Variants in ZFP37 observed in about 807,000 individuals in gnomAD.
The protein encoded by ZFP37 is zinc finger protein 37 homolog.
In ZFP37, 38 loss-of-function variants were observed where a neutral mutation model predicts 52.1. That is an observed-to-expected ratio of 0.73 (90% CI 0.56 to 0.96). ZFP37 has a LOEUF of 0.96. Among genes scored for constraint, ZFP37 ranks in the 40% least tolerant of loss-of-function variants. The pLI, the probability that ZFP37 is intolerant of heterozygous loss-of-function variation, is 0.00. For missense variants in ZFP37, 695 were observed against 741.4 expected (o/e 0.94, Z 0.73); for synonymous variants, 253 against 259.5 (o/e 0.98, Z 0.24).
Position 113,038,574 on chromosome 9 carries a change from G to A in ZFP37, c.*4151C>T, listed in dbSNP as rs1284899413. 6.7e-6 allele frequency: 1 copy of A among 148,300 alleles called. No homozygotes were observed. Among genetic ancestry groups the A allele is most frequent in the Admixed American group, 6.8e-5 (1 of 14,772 alleles). 9.2% of individuals were successfully genotyped at this position (148,300 alleles called of 1,614,324 possible). ...AAGGTGGGCAGATCACTTGAGCCCA[G>A]AAGTTTGAGACCAGCCTGAGTAACA... is the stretch of plus-strand genomic sequence containing the variant. On this transcript the variant is annotated 3_prime_UTR_variant, in exon 4 of 4. Coordinates refer to ENST00000374227, the MANE Select transcript of ZFP37 (RefSeq NM_003408.3).
intron 3 of ZFP37, among the ~76,000 whole-genome samples, chr9:113,044,723 T>G (rs1828921643): frequency 6.6e-6 from 1 of 152,144 alleles, no homozygotes; most frequent in Non-Finnish European, 1.5e-5. Flanking sequence ...CAAATCTGAC[T>G]CAAACCAAGA....
At chr9:113,045,633 T>C (rs1375151843) in intron 3 of ZFP37, among the ~76,000 whole-genome samples, 1 of 152,224 alleles carries the variant, frequency 6.6e-6, no homozygotes, top group Non-Finnish European at 1.5e-5. Context: ...CACTGAAAGC[T>C]GTGGGCCACT....
At position 113,043,534 on chromosome 9, in the gene ZFP37, G is replaced by A. The variant is rs1401381422; in HGVS notation, c.1084C>T (p.His362Tyr). 2 of 1,614,034 alleles carry A rather than the reference G, an allele frequency of 1.2e-6. No individual in the cohort carries two copies. The highest frequency in any genetic ancestry group is 2.2e-5 in the South Asian group (2 of 91,078). The change falls in exon 4 of 4, where the codon CAT (histidine) becomes TAT (tyrosine). Residue 362 changes from histidine (H) to tyrosine (Y), a missense_variant. Around this residue, in one of 2 missense-constraint regions of ZFP37, gnomAD observed 326 missense variants for 400.5 expected, o/e 0.81. Transcript: ENST00000374227. ...IQCGKAHGHK[H>Y]ALTDHLRIHT... Reference sequence around the variant, plus strand: ...ATTCTTAGATGGTCAGTGAGTGCATGTTTATGACCATGGGCTTTGCCACAC... The same window carrying A: ...ATTCTTAGATGGTCAGTGAGTGCATATTTATGACCATGGGCTTTGCCACAC...
At chr9:113,047,273 C>T (rs1828974095) in intron 3 of ZFP37, among the ~76,000 whole-genome samples, 1 of 152,148 alleles carries the variant, frequency 6.6e-6, no homozygotes, top group Admixed American at 6.5e-5. Context: ...TCAGAAACTC[C>T]ATTGAGTCTC....
chr9:113,044,804 A>G (rs1828923299), intron 3 of ZFP37, among the ~76,000 whole-genome samples: 1 of 152,134 alleles, frequency 6.6e-6, no homozygotes, highest in Admixed American at 6.5e-5. Flanking sequence ...AAATTTAGAA[A>G]TTATATAAAG....
At chr9:113,048,431 G>A (rs1406466357) in intron 3 of ZFP37, among the ~76,000 whole-genome samples, 1 of 152,154 alleles carries the variant, frequency 6.6e-6, no homozygotes, top group Non-Finnish European at 1.5e-5. Flanking sequence ...AAGGAGAAAA[G>A]CTGAGGATAT....
chr9:113,053,082 T>C (rs1019268341), intron 1 of ZFP37, among the ~76,000 whole-genome samples: 2 of 152,156 alleles, frequency 1.3e-5, no homozygotes, highest in African/African-American at 4.8e-5. Context: ...CAGCCACCTA[T>C]TCATCAATTA....
chr9:113,045,204 T>C (rs1037387711), intron 3 of ZFP37, among the ~76,000 whole-genome samples: 1 of 152,200 alleles, frequency 6.6e-6, no homozygotes, highest in African/African-American at 2.4e-5. Context: ...ATCCACTTTA[T>C]ACTACTCATG....
rs773466629 is a variant in ZFP37 at position 113,043,946 on chromosome 9, C to A, written c.672G>T (p.Lys224Asn). Residue 224 changes from lysine to asparagine, a missense_variant, in exon 4 of 4, where the codon AAG (lysine) becomes AAT (asparagine). Physicochemically the swap from Lys to Asn is moderately conservative, Grantham distance 94. This residue lies in a region of ZFP37 where 369 missense variants were observed against 340.9 expected (regional missense o/e 1.08). Coordinates refer to ENST00000374227, the MANE Select transcript of ZFP37 (RefSeq NM_003408.3). ...ATTTCTCATGTTTCTTTCCAGTTTG[C>A]TTTTTGCCTTTCCTTGTATCAGATA... Reference protein sequence around the residue: ...HSLSDTRKGKKQTGKKHEKLS... With the variant: ...HSLSDTRKGKNQTGKKHEKLS... 2.5e-5 allele frequency: 41 copies of A among 1,613,836 alleles called. No individual in the cohort carries two copies. Among genetic ancestry groups the A allele is most frequent in the Non-Finnish European group, 3.5e-5 (41 of 1,179,912 alleles).
At chr9:113,044,983 C>T (rs1396657223) in intron 3 of ZFP37, among the ~76,000 whole-genome samples, 1 of 152,014 alleles carries the variant, frequency 6.6e-6, no homozygotes, top group Non-Finnish European at 1.5e-5. Context: ...GTTCCTATTT[C>T]TAGTCCCTGG....
chr9:113,056,423 G>T, intron 1 of ZFP37, 134 bp downstream of exon 1: 1 of 1,424,530 alleles, frequency 7.0e-7, no homozygotes, highest in South Asian at 1.3e-5. Flanking sequence ...TCAGAACACC[G>T]ACCTCCCAAA....
Position 113,052,049 on chromosome 9 carries a change from C to T in ZFP37, c.133-2177G>A, listed in dbSNP as rs1235837017. On this transcript the variant is annotated intron_variant, in intron 1 of 3. Coordinates refer to ENST00000374227, the MANE Select transcript of ZFP37 (RefSeq NM_003408.3). This position sits in a 1 kb window ranked among gnomAD's most constrained non-coding sequence, Gnocchi z 4.1. ...CCACAGGACACTGGTAATCTATCTC[C>T]TATTACCCCAAATCCCTCATCTTAT... Among the ~76,000 whole-genome samples the T allele has an allele frequency of 6.6e-6, 1 of 152,186 alleles. No homozygotes were observed. The highest frequency in any genetic ancestry group is 2.4e-5 in the African/African-American group (1 of 41,448).
At chr9:113,049,149 C>G (rs1196965441) in intron 3 of ZFP37, among the ~76,000 whole-genome samples, 1 of 152,138 alleles carries the variant, frequency 6.6e-6, no homozygotes, top group Non-Finnish European at 1.5e-5. Flanking sequence ...TATAGCGAAC[C>G]TCACAAAGAA....
Position 113,049,358 on chromosome 9 carries a change from T to C in ZFP37, c.349+4A>G. 1.9e-6 allele frequency: 3 copies of C among 1,612,832 alleles called. No individual in the cohort carries two copies. The highest frequency in any genetic ancestry group is 2.5e-6 in the Non-Finnish European group (3 of 1,179,638). On this transcript the variant is annotated splice_donor_region_variant and intron_variant, in intron 3 of 3. Coordinates refer to ENST00000374227, the MANE Select transcript of ZFP37 (RefSeq NM_003408.3). ...TGCTGAAAAATTTCAAAGTTACAACTTACTTCCATCAGTTTCTTTTTGCTT... is the reference window on the plus strand; with the variant it reads ...TGCTGAAAAATTTCAAAGTTACAACCTACTTCCATCAGTTTCTTTTTGCTT...
rs149645659 is a variant in ZFP37 at position 113,042,999 on chromosome 9, G to A, written c.1619C>T (p.Thr540Ile). 4.8e-5 allele frequency: 78 copies of A among 1,613,746 alleles called. No homozygotes were observed. The highest frequency in any genetic ancestry group is 3.3e-4 in the Middle Eastern group (2 of 6,080). Reference sequence around the variant, plus strand: ...ATTACACTCATACGGTTTCTCTCCAGTATGAACTCTCTGATGTTGAGTAAG... The same window carrying A: ...ATTACACTCATACGGTTTCTCTCCAATATGAACTCTCTGATGTTGAGTAAG... Reference protein sequence around the residue: ...EGLTQHQRVHTGEKPYECNEC... With the variant: ...EGLTQHQRVHIGEKPYECNEC... Residue 540 changes from threonine to isoleucine, a missense_variant, in exon 4 of 4, where the codon ACT becomes ATT. Transcript: ENST00000374227.
Position 113,042,990 on chromosome 9 carries a change from TTCTC to T in ZFP37, c.1624_1627del (p.Glu542AsnfsTer74). 2 of 1,613,938 alleles carry T rather than the reference TTCTC, an allele frequency of 1.2e-6. No individual in the cohort carries two copies. The highest frequency in any genetic ancestry group is 2.2e-5 in the South Asian group (2 of 91,068). Reference sequence around the variant, plus strand: ...CCCACATTCATTACACTCATACGGTTTCTCTCCAGTATGAACTCTCTGATGTTGA... The same window carrying T: ...CCCACATTCATTACACTCATACGGTTTCCAGTATGAACTCTCTGATGTTGA... On this transcript the variant is annotated frameshift_variant, in exon 4 of 4. Transcript: ENST00000374227. LOFTEE classifies it high-confidence loss of function.
At position 113,041,663 on chromosome 9, in the gene ZFP37, T is replaced by C. The variant is rs1413637876; in HGVS notation, c.*1062A>G. 1 of 152,218 alleles carries C rather than the reference T, an allele frequency of 6.6e-6. No homozygotes were observed. Among genetic ancestry groups the C allele is most frequent in the African/African-American group, 2.4e-5 (1 of 41,448 alleles). The allele number at this position is 152,218 out of a possible 1,614,324, so 9.4% of individuals were successfully genotyped here. A position where few individuals can be genotyped will look rare whatever the true frequency, so the allele number is the denominator to read the frequency against. On this transcript the variant is annotated 3_prime_UTR_variant, in exon 4 of 4. Transcript: ENST00000374227. ...ACTTGTGTGTGATAGAAAAAGTCTTTATGAATTCAACATCAAGTTTCATAC... is the reference window on the plus strand; with the variant it reads ...ACTTGTGTGTGATAGAAAAAGTCTTCATGAATTCAACATCAAGTTTCATAC...
Position 113,049,350 on chromosome 9 carries a change from G to A in ZFP37, c.349+12C>T, listed in dbSNP as rs750525314. On this transcript the variant is annotated intron_variant, in intron 3 of 3. Coordinates refer to ENST00000374227, the MANE Select transcript of ZFP37 (RefSeq NM_003408.3). ...AAATTATTTGCTGAAAAATTTCAAA[G>A]TTACAACTTACTTCCATCAGTTTCT... 8 of 1,611,078 alleles carry A rather than the reference G, an allele frequency of 5.0e-6. No individual in the cohort carries two copies. The highest frequency in any genetic ancestry group is 2.2e-5 in the South Asian group (2 of 90,194).
In ZFP37 at chr9:113,042,167, C is replaced by G. The variant is rs1828858123; in HGVS notation, c.*558G>C. On this transcript the variant is annotated 3_prime_UTR_variant, in exon 4 of 4. Coordinates refer to ENST00000374227, the MANE Select transcript of ZFP37 (RefSeq NM_003408.3). ...CGCTCCCTACCAGCACATTTGTATCCTCAGCTGCTTTATTTTCTCTCATTT... is the reference window on the plus strand; with the variant it reads ...CGCTCCCTACCAGCACATTTGTATCGTCAGCTGCTTTATTTTCTCTCATTT... 1 of 152,290 alleles carries G rather than the reference C, an allele frequency of 6.6e-6. No homozygotes were observed. Among genetic ancestry groups the G allele is most frequent in the Non-Finnish European group, 1.5e-5 (1 of 68,130 alleles). The allele number at this position is 152,290 out of a possible 1,614,324, so 9.4% of individuals were successfully genotyped here. A position where few individuals can be genotyped will look rare whatever the true frequency, so the allele number is the denominator to read the frequency against.
Sources: gnomAD v4.1 joint callset for allele counts (sites outside exome capture counted in the v4.1 genomes callset) on GRCh38, gnomAD v4.1.1 for gene constraint, gnomAD v4.1.1 regional missense constraint, Gnocchi (gnomAD v3.1) non-coding constraint, MANE v1.5 for transcripts, NCBI Gene and HGNC (gene_info 2026-07-23, HGNC 2026-07-21) for gene names.